NPY2R: variants seen among roughly 807,000 people sequenced by gnomAD.
NPY2R encodes neuropeptide Y receptor Y2.
A neutral mutation model predicts 22.3 loss-of-function variants in NPY2R; 17 were observed. That is an observed-to-expected ratio of 0.76 (90% CI 0.52 to 1.14). NPY2R has a LOEUF of 1.14. NPY2R is among the 50% of genes most tolerant of loss of function. The probability of loss-of-function intolerance (pLI) is 0.00; values close to 1 mark genes in which losing one functional copy is unlikely to be tolerated. For synonymous variants in NPY2R, 209 were observed against 183.4 expected (o/e 1.14, Z -1.13); for missense variants, 424 against 467.9 (o/e 0.91, Z 0.87).
rs1012862948 is a variant in NPY2R, at chr4:155,216,442, C to A, written c.*1357C>A. ...CAACTGAGATGTTAAAATAGTCATA[C>A]GTCTTTAGATGCTATTAAAGTTTCA... On this transcript the variant is annotated 3_prime_UTR_variant, in exon 2 of 2. Coordinates refer to ENST00000329476, the MANE Select transcript of NPY2R (RefSeq NM_000910.4). 2 of 166,638 alleles carry A rather than the reference C, an allele frequency of 1.2e-5. No homozygotes were observed. Among genetic ancestry groups the A allele is most frequent in the African/African-American group, 2.4e-5 (1 of 41,376 alleles). 10.3% of individuals were successfully genotyped at this position (166,638 alleles called of 1,614,324 possible). A position where few individuals can be genotyped will look rare whatever the true frequency, so the allele number is the denominator to read the frequency against.
At chr4:155,197,421 T>G in the NPY2R span, among the ~76,000 whole-genome samples, 1 of 151,974 alleles carries the variant, frequency 6.6e-6, no homozygotes, top group Admixed American at 6.6e-5. Flanking sequence ...ATGTCCCCTC[T>G]CCCACTTCTT....
At chr4:155,193,005 A>T in the NPY2R span, among the ~76,000 whole-genome samples, 10 of 151,864 alleles carry the variant, frequency 6.6e-5, no homozygotes, top group South Asian at 2.1e-4. Flanking sequence ...CAATAGTTTT[A>T]AAAAAATCTG....
chr4:155,182,919 A>C, the NPY2R span, among the ~76,000 whole-genome samples: 1 of 151,918 alleles, frequency 6.6e-6, no homozygotes, highest in Non-Finnish European at 1.5e-5. Flanking sequence ...CAGCCTCCCG[A>C]GTAGCTGGGA....
chr4:155,214,048 G>T lies in NPY2R; in HGVS notation c.109G>T (p.Glu37Ter). ...TAGAGGTGAACTGGTCCCTGACCCT[G>T]AGCCAGAGCTTATAGATAGTACCAA... ...TPRGELVPDP[E>*]PELIDSTKLI... The change falls in exon 2 of 2, where the codon GAG (glutamate) becomes TAG (stop). Residue 37 changes from glutamate (E) to a stop codon, truncating the protein, a stop_gained. Coordinates refer to ENST00000329476, the MANE Select transcript of NPY2R (RefSeq NM_000910.4). LOFTEE classifies it high-confidence loss of function. 1.2e-6 allele frequency: 2 copies of T among 1,613,948 alleles called. No homozygotes were observed. The highest frequency in any genetic ancestry group is 1.7e-6 in the Non-Finnish European group (2 of 1,179,874).
rs900991478 is a variant in NPY2R, at chr4:155,215,846, T to C, written c.*761T>C. 6.0e-6 allele frequency: 1 copy of C among 167,066 alleles called. No individual in the cohort carries two copies. The highest frequency in any genetic ancestry group is 2.4e-5 in the African/African-American group (1 of 41,450). 10.3% of individuals were successfully genotyped at this position (167,066 alleles called of 1,614,324 possible). ...CTAATTTCAAGTTACATCCGCTTTA[T>C]GGAGATACTATTTAGATAACAAGAA... is the stretch of plus-strand genomic sequence containing the variant. On this transcript the variant is annotated 3_prime_UTR_variant, in exon 2 of 2. Transcript: ENST00000329476.
intron 1 of NPY2R, among the ~76,000 whole-genome samples, 160 bp from the exon 2 acceptor site, chr4:155,213,732 T>C (rs1436514404): frequency 6.6e-6 from 1 of 152,262 alleles, no homozygotes; most frequent in African/African-American, 2.4e-5. Flanking sequence ...TTCATTAAAA[T>C]GTTTTGCTAT....
At chr4:155,175,847 A>G in the NPY2R span, among the ~76,000 whole-genome samples, 1 of 152,132 alleles carries the variant, frequency 6.6e-6, no homozygotes, top group African/African-American at 2.4e-5. Context: ...GAAAAGAAAA[A>G]AGAGAGGGAG....
chr4:155,174,484 A>ATATATATATATATATATATTTTTTTTTT, the NPY2R span, among the ~76,000 whole-genome samples: 1 of 106,120 alleles, frequency 9.4e-6, no homozygotes, highest in African/African-American at 4.5e-5. Flanking sequence ...ATATATATAT[A>ATATATATATATATATATATTTTTTTTTT]TTTTTTTTTT....
chr4:155,200,246 A>G, the NPY2R span, among the ~76,000 whole-genome samples: 3 of 152,146 alleles, frequency 2.0e-5, no homozygotes, highest in East Asian at 3.8e-4. Flanking sequence ...ACATATGGGG[A>G]AAAAAAGCTC....
At chr4:155,180,185 G>A in the NPY2R span, among the ~76,000 whole-genome samples, 1 of 152,088 alleles carries the variant, frequency 6.6e-6, no homozygotes. Context: ...CTCCCAAAGA[G>A]CTAGAATTAC....
chr4:155,215,174 C>A lies in NPY2R; in HGVS notation c.*89C>A. Reference sequence around the variant, plus strand: ...GGCTCACAAGTGAAAACTGATTTCCCATTTTAAAGAAGAAGTGGATCTAAA... The same window carrying A: ...GGCTCACAAGTGAAAACTGATTTCCAATTTTAAAGAAGAAGTGGATCTAAA... On this transcript the variant is annotated 3_prime_UTR_variant, in exon 2 of 2. Transcript: ENST00000329476. 2 of 1,225,836 alleles carry A rather than the reference C, an allele frequency of 1.6e-6. No homozygotes were observed. The highest frequency in any genetic ancestry group is 2.5e-5 in the South Asian group (2 of 79,850). 75.9% of individuals were successfully genotyped at this position (1,225,836 alleles called of 1,614,324 possible). A position where few individuals can be genotyped will look rare whatever the true frequency, so the allele number is the denominator to read the frequency against.
At chr4:155,203,099 T>G in the NPY2R span, among the ~76,000 whole-genome samples, 2 of 152,160 alleles carry the variant, frequency 1.3e-5, no homozygotes, top group Admixed American at 1.3e-4. Context: ...CTCAGCAACA[T>G]GCTGCATATG....
the NPY2R span, among the ~76,000 whole-genome samples, chr4:155,187,346 C>T: frequency 6.6e-6 from 1 of 152,194 alleles, no homozygotes; most frequent in East Asian, 1.9e-4. Flanking sequence ...AGATCCCCAT[C>T]ATCTTGGCAG....
the NPY2R span, among the ~76,000 whole-genome samples, chr4:155,177,829 T>G: frequency 9.2e-5 from 14 of 152,214 alleles, no homozygotes; most frequent in African/African-American, 2.9e-4. Flanking sequence ...TAGCCACACC[T>G]AGGTCTGCTT....
chr4:155,179,980 T>C, the NPY2R span, among the ~76,000 whole-genome samples: 1 of 149,566 alleles, frequency 6.7e-6, no homozygotes, highest in African/African-American at 2.5e-5. Flanking sequence ...TATTGTCTAG[T>C]ATGTAAACAT....
At chr4:155,203,602 A>G in the NPY2R span, among the ~76,000 whole-genome samples, 3 of 152,174 alleles carry the variant, frequency 2.0e-5, no homozygotes, top group Admixed American at 1.3e-4. Context: ...AAGGAAAAGC[A>G]GGCATAGATC....
upstream of NPY2R, among the ~76,000 whole-genome samples, chr4:155,205,937 T>G (rs527624812): frequency 6.6e-6 from 1 of 152,304 alleles, no homozygotes; most frequent in South Asian, 2.1e-4. Context: ...ATTCAGAAGA[T>G]TTTTAACAAT....
the NPY2R span, chr4:155,174,089 A>T: frequency 7.9e-5 from 12 of 152,016 alleles, no homozygotes; most frequent in African/African-American, 2.9e-4. Context: ...CATTTACTCC[A>T]TTTCTGAGCA....
the NPY2R span, among the ~76,000 whole-genome samples, chr4:155,178,791 G>T: frequency 6.6e-6 from 1 of 152,216 alleles, no homozygotes; most frequent in South Asian, 2.1e-4. Context: ...AGTCTGCTTT[G>T]TCTGATATTA....
Sources: gnomAD v4.1 joint callset for allele counts (sites outside exome capture counted in the v4.1 genomes callset) on GRCh38, gnomAD v4.1.1 for gene constraint, MANE v1.5 for transcripts, NCBI Gene and HGNC (gene_info 2026-07-23, HGNC 2026-07-21) for gene names.